The following ZZZ3 variants were observed in gnomAD, a reference collection of about 807,000 sequenced individuals.
ZZZ3 encodes the protein zinc finger ZZ-type containing 3.
In ZZZ3, 22 loss-of-function variants were observed where a neutral mutation model predicts 95.2. The ratio of observed to expected loss-of-function variants is 0.23; its 90% CI spans 0.17 to 0.33. The LOEUF (loss-of-function observed/expected upper bound fraction) is 0.33, where lower values mean the gene tolerates loss of function less well. ZZZ3 is among the 10% of genes least tolerant of loss of function. The pLI is 1.00. For synonymous variants in ZZZ3, 335 were observed against 358.9 expected (o/e 0.93, Z 0.75); for missense variants, 885 against 1,066.5 (o/e 0.83, Z 2.37).
intron 1 of ZZZ3, among the ~76,000 whole-genome samples, chr1:77,674,888 G>A (rs1357520173): frequency 6.7e-6 from 1 of 149,052 alleles, no homozygotes; most frequent in Non-Finnish European, 1.5e-5. Flanking sequence ...GGAGGCAGAG[G>A]TTGCAGTGAG....
At chr1:77,643,111 G>A (rs945565004) in intron 1 of ZZZ3, among the ~76,000 whole-genome samples, 1 of 152,012 alleles carries the variant, frequency 6.6e-6, no homozygotes, top group Non-Finnish European at 1.5e-5. Flanking sequence ...CTGCTAGGGA[G>A]GATCCTTAGA....
intron 5 of ZZZ3, among the ~76,000 whole-genome samples, chr1:77,622,382 A>C (rs552845028): frequency 1.3e-5 from 2 of 151,810 alleles, no homozygotes; most frequent in South Asian, 2.1e-4. Context: ...AAAAAAAAAA[A>C]AAAAAACCTG....
At chr1:77,579,501 C>T (rs1233801486) in intron 10 of ZZZ3, 26 bp downstream of exon 10, 1 of 1,514,310 alleles carries the variant, frequency 6.6e-7, no homozygotes, top group African/African-American at 1.4e-5. Context: ...AGCATACCAG[C>T]AATCTGCAGT....
intron 1 of ZZZ3, among the ~76,000 whole-genome samples, chr1:77,650,205 A>G (rs1415970040): frequency 6.6e-6 from 1 of 152,224 alleles, no homozygotes; most frequent in Non-Finnish European, 1.5e-5. Flanking sequence ...GGACAGCAAC[A>G]TAAGAGAAGA....
Position 77,632,408 on chromosome 1 carries a change from T to A in ZZZ3, c.947A>T (p.Glu316Val). 6.2e-7 allele frequency: 1 copy of A among 1,614,104 alleles called. No homozygotes were observed. The highest frequency in any genetic ancestry group is 8.5e-7 in the Non-Finnish European group (1 of 1,180,000). The change falls in exon 5 of 15, where the codon GAG becomes GTG. Residue 316 changes from glutamate to valine, a missense_variant. By Grantham distance (121) the Glu-to-Val change is moderately radical. Around this residue, in one of 5 missense-constraint regions of ZZZ3, gnomAD observed 556 missense variants for 652.9 expected, o/e 0.85. Transcript: ENST00000370801. ...GCTATCTCCCACCACATCTACTTCC[T>A]CCTCAGAATCCCTTAAAGATGACTG... ...ETQSSLRDSEEEVDVVGDSSA... is the reference protein window; with the variant it reads ...ETQSSLRDSEVEVDVVGDSSA...
At chr1:77,596,059 T>C (rs1209224378) in intron 5 of ZZZ3, among the ~76,000 whole-genome samples, 1 of 151,984 alleles carries the variant, frequency 6.6e-6, no homozygotes, top group Non-Finnish European at 1.5e-5. Context: ...TAACAAACAA[T>C]GGTATGTGCT....
At chr1:77,581,131 C>A in intron 8 of ZZZ3, 62 bp from the exon 9 acceptor site, 2 of 1,236,418 alleles carry the variant, frequency 1.6e-6, no homozygotes, top group Non-Finnish European at 2.3e-6. Flanking sequence ...TTGATATAGC[C>A]AAATAACACG....
Position 77,568,419 on chromosome 1 carries a change from T to C in ZZZ3, c.2379A>G (p.Lys793=), listed in dbSNP as rs943581641. The C allele has an allele frequency of 1.3e-6, 2 of 1,502,612 alleles. No homozygotes were observed. Among genetic ancestry groups the C allele is most frequent in the Admixed American group, 1.9e-5 (1 of 53,712 alleles). The allele number at this position is 1,502,612 out of a possible 1,614,324, so 93.1% of individuals were successfully genotyped here. A position where few individuals can be genotyped will look rare whatever the true frequency, so the allele number is the denominator to read the frequency against. The change falls in exon 13 of 15, where the codon AAA becomes AAG. Residue 793 remains lysine (K), a synonymous_variant. Coordinates refer to ENST00000370801, the MANE Select transcript of ZZZ3 (RefSeq NM_015534.6). ...PIMYRNLPEY[K]ELLQFKKLKK... ...TTAACTTTTTAAACTGTAATAGTTC[T>C]TTATATTCAGGTAAATTCCTATACA...
At chr1:77,670,809 G>C (rs1431739712) in intron 1 of ZZZ3, among the ~76,000 whole-genome samples, 1 of 151,370 alleles carries the variant, frequency 6.6e-6, no homozygotes, top group African/African-American at 2.4e-5. Context: ...TGAAGGAAGG[G>C]CTGTCATGCG....
intron 5 of ZZZ3, among the ~76,000 whole-genome samples, chr1:77,627,832 CT>C (rs1467873343): frequency 2.6e-5 from 4 of 152,144 alleles, no homozygotes; most frequent in Non-Finnish European, 4.4e-5. Context: ...CTAAATTTGA[CT>C]TTTCACCCCC....
chr1:77,653,778 T>C (rs1404748625), intron 1 of ZZZ3, among the ~76,000 whole-genome samples: 1 of 151,650 alleles, frequency 6.6e-6, no homozygotes, highest in Non-Finnish European at 1.5e-5. Flanking sequence ...AAAGATAATA[T>C]TACAAATAAC....
chr1:77,585,381 T>C (rs897256039), intron 5 of ZZZ3, among the ~76,000 whole-genome samples: 1 of 152,146 alleles, frequency 6.6e-6, no homozygotes, highest in African/African-American at 2.4e-5. Context: ...CTCACTACAA[T>C]ACATCTATTC....
At chr1:77,589,730 G>A (rs975073342) in intron 5 of ZZZ3, among the ~76,000 whole-genome samples, 1 of 152,044 alleles carries the variant, frequency 6.6e-6, no homozygotes, top group Non-Finnish European at 1.5e-5. Flanking sequence ...AAAGTGCTAG[G>A]ATTATAGGCA....
intron 12 of ZZZ3, among the ~76,000 whole-genome samples, chr1:77,574,384 A>G (rs1393878687): frequency 1.3e-5 from 2 of 152,080 alleles, no homozygotes; most frequent in Admixed American, 1.3e-4. Flanking sequence ...AAGATCGATT[A>G]GGGTAGATAA....
chr1:77,599,825 C>A (rs144806242), intron 5 of ZZZ3, among the ~76,000 whole-genome samples: 2 of 152,104 alleles, frequency 1.3e-5, no homozygotes, highest in African/African-American at 4.8e-5. Flanking sequence ...AACATGTCAT[C>A]CATAATTTAA....
chr1:77,579,412 A>G (rs1662283688), intron 10 of ZZZ3, 115 bp downstream of exon 10: 2 of 752,666 alleles, frequency 2.7e-6, no homozygotes, highest in African/African-American at 1.8e-5. Context: ...CACATACTAC[A>G]GCACTCTGTA....
chr1:77,634,881 C>T (rs1265924825), intron 4 of ZZZ3, among the ~76,000 whole-genome samples: 1 of 152,138 alleles, frequency 6.6e-6, no homozygotes, highest in East Asian at 1.9e-4. Context: ...ACAAGGTACC[C>T]TGTCATTTTA....
At chr1:77,583,454 C>T (rs1662741146) in intron 6 of ZZZ3, among the ~76,000 whole-genome samples, 1 of 152,056 alleles carries the variant, frequency 6.6e-6, no homozygotes, top group Admixed American at 6.6e-5. Flanking sequence ...AGAAGGTACA[C>T]CAAAATTCTA....
chr1:77,644,611 T>G (rs200343147), intron 1 of ZZZ3, among the ~76,000 whole-genome samples: 1 of 152,206 alleles, frequency 6.6e-6, no homozygotes, highest in East Asian at 1.9e-4. Context: ...CATCAATAAT[T>G]ATTTCGCCAT....
Sources: allele counts gnomAD v4.1 joint callset (sites outside exome capture counted in the v4.1 genomes callset), GRCh38; gene constraint gnomAD v4.1.1; regional missense constraint gnomAD v4.1.1; transcripts MANE v1.5; gene names NCBI Gene and HGNC (gene_info 2026-07-23, HGNC 2026-07-21).